The following KCNQ5 variants were observed in gnomAD, a reference collection of about 807,000 sequenced individuals.
KCNQ5 encodes potassium voltage-gated channel subfamily KQT member 5.
A neutral mutation model predicts 98.2 loss-of-function variants in KCNQ5; 30 were observed. That is an observed-to-expected ratio of 0.31 (90% confidence interval 0.23 to 0.41). KCNQ5 has a LOEUF of 0.41. Among genes scored for constraint, KCNQ5 ranks in the 10% least tolerant of loss-of-function variants. KCNQ5 has a pLI of 1.00. For synonymous variants in KCNQ5, 458 were observed against 449.4 expected, an observed-to-expected ratio of 1.02 and a Z score of -0.24; for missense variants, 835 against 1,182.5, an observed-to-expected ratio of 0.71 and a Z score of 4.31.
intron 1 of KCNQ5, among the ~76,000 whole-genome samples, chr6:72,655,463 G>C (rs918768544): frequency 3.3e-5 from 5 of 152,096 alleles, no homozygotes; most frequent in African/African-American, 4.8e-5. Context: ...CAGAGCATCT[G>C]GTTGAGAGAG....
At chr6:72,748,688 A>G (rs936646817) in intron 1 of KCNQ5, among the ~76,000 whole-genome samples, 4 of 152,168 alleles carry the variant, frequency 2.6e-5, no homozygotes, top group African/African-American at 9.7e-5. Context: ...TAAATCAGGC[A>G]GTTGTTCCTA....
intron 1 of KCNQ5, among the ~76,000 whole-genome samples, chr6:72,826,809 T>A (rs2150119635): frequency 6.6e-6 from 1 of 152,264 alleles, no homozygotes; most frequent in South Asian, 2.1e-4. Flanking sequence ...TATAAAACAT[T>A]ATAACTGATT....
intron 1 of KCNQ5, among the ~76,000 whole-genome samples, chr6:72,945,646 G>A (rs1218049005): frequency 6.6e-6 from 1 of 152,072 alleles, no homozygotes; most frequent in African/African-American, 2.4e-5. Context: ...AGTAGAGACA[G>A]GTTTTTGCCA....
chr6:73,052,209 A>C (rs1238718691), intron 3 of KCNQ5, among the ~76,000 whole-genome samples: 1 of 152,226 alleles, frequency 6.6e-6, no homozygotes, highest in Non-Finnish European at 1.5e-5. Flanking sequence ...TTAAAGAAGA[A>C]TGAACAAAAT....
intron 6 of KCNQ5, among the ~76,000 whole-genome samples, chr6:73,108,841 A>T (rs959209752): frequency 1.3e-5 from 2 of 152,198 alleles, no homozygotes; most frequent in African/African-American, 4.8e-5. Context: ...AAAATAAAAA[A>T]TAAAAAAAAT....
chr6:72,962,484 A>G (rs568036781), intron 1 of KCNQ5, among the ~76,000 whole-genome samples: 20 of 151,810 alleles, frequency 1.3e-4, no homozygotes, highest in Non-Finnish European at 2.6e-4. Context: ...TGTACACCTA[A>G]AGCTACTGAA....
intron 1 of KCNQ5, among the ~76,000 whole-genome samples, chr6:72,958,933 C>T (rs1562093821): frequency 1.3e-5 from 2 of 152,106 alleles, no homozygotes; most frequent in Non-Finnish European, 2.9e-5. Context: ...TTATGGAAGC[C>T]TATATATATG....
At chr6:72,805,828 C>A (rs1278666552) in intron 1 of KCNQ5, among the ~76,000 whole-genome samples, 1 of 151,998 alleles carries the variant, frequency 6.6e-6, no homozygotes, top group Admixed American at 6.6e-5. Flanking sequence ...TTTATTGTTT[C>A]CTCTTCAATT....
intron 1 of KCNQ5, among the ~76,000 whole-genome samples, chr6:72,681,287 A>G (rs1035861723): frequency 2.6e-5 from 4 of 152,238 alleles, no homozygotes; most frequent in African/African-American, 9.6e-5. Context: ...GATAACAATA[A>G]CAATGATGAT....
intron 3 of KCNQ5, among the ~76,000 whole-genome samples, chr6:73,057,485 A>C (rs1772573691): frequency 6.6e-6 from 1 of 152,070 alleles, no homozygotes; most frequent in Non-Finnish European, 1.5e-5. Context: ...ATAGTAAAAA[A>C]ATAAATAAAT....
At chr6:72,880,467 T>C (rs1244346132) in intron 1 of KCNQ5, among the ~76,000 whole-genome samples, 2 of 152,116 alleles carry the variant, frequency 1.3e-5, no homozygotes, top group African/African-American at 4.8e-5. Context: ...CCAAATATCA[T>C]TACCTTGAGA....
intron 1 of KCNQ5, among the ~76,000 whole-genome samples, chr6:72,988,485 T>C (rs549892505): frequency 3.2e-4 from 48 of 152,016 alleles, no homozygotes; most frequent in Non-Finnish European, 5.1e-4. Context: ...ATGGGAACAA[T>C]AGACACTGCA....
At chr6:73,038,085 C>T (rs374786191) in intron 2 of KCNQ5, among the ~76,000 whole-genome samples, 53 of 152,010 alleles carry the variant, frequency 3.5e-4, no homozygotes, top group East Asian at 1.2e-3. Flanking sequence ...GCACATAAAC[C>T]GTATGTGTTT....
At chr6:72,636,654 T>A (rs894616026) in intron 1 of KCNQ5, among the ~76,000 whole-genome samples, 1 of 152,212 alleles carries the variant, frequency 6.6e-6, no homozygotes, top group Non-Finnish European at 1.5e-5. Context: ...AATTAGGATA[T>A]AATTCTTCAA....
chr6:73,186,237 A>G (rs990552890), intron 11 of KCNQ5, among the ~76,000 whole-genome samples: 5 of 152,064 alleles, frequency 3.3e-5, no homozygotes, highest in African/African-American at 9.7e-5. Flanking sequence ...AAAAAAAAAA[A>G]AGAGAAAAAG....
chr6:72,900,214 C>T (rs1016225409), intron 1 of KCNQ5, among the ~76,000 whole-genome samples: 3 of 151,878 alleles, frequency 2.0e-5, no homozygotes, highest in Non-Finnish European at 4.4e-5. Context: ...GATTGGTTTT[C>T]CATTCCTGAG....
intron 1 of KCNQ5, among the ~76,000 whole-genome samples, chr6:72,997,893 C>T (rs746338117): frequency 6.6e-6 from 1 of 151,008 alleles, no homozygotes; most frequent in Non-Finnish European, 1.5e-5. Context: ...AAAGCAGAAT[C>T]GTGCAGTGTT....
chr6:73,162,243 A>C (rs1224359657), intron 10 of KCNQ5, among the ~76,000 whole-genome samples: 2 of 152,084 alleles, frequency 1.3e-5, no homozygotes, highest in East Asian at 3.9e-4. Flanking sequence ...GCTCTTTTTA[A>C]ATGTCAGGGA....
chr6:73,017,013 T>A (rs1214408495), intron 2 of KCNQ5, among the ~76,000 whole-genome samples: 1 of 152,146 alleles, frequency 6.6e-6, no homozygotes. Context: ...TTTTCATATA[T>A]TTCCCTGGGT....
Sources: allele counts gnomAD v4.1 joint callset (sites outside exome capture counted in the v4.1 genomes callset), GRCh38; gene constraint gnomAD v4.1.1; transcripts MANE v1.5; gene names NCBI Gene and HGNC (gene_info 2026-07-23, HGNC 2026-07-21).